Variants in EFHC2 observed in about 807,000 individuals in gnomAD.
EFHC2 encodes EF-hand domain-containing family member C2.
EFHC2 carries 18 observed loss-of-function variants against 52.7 expected under a neutral mutation model. The ratio of observed to expected loss-of-function variants is 0.34; its 90% confidence interval spans 0.24 to 0.51. The LOEUF is 0.51. EFHC2 is among the 20% of genes least tolerant of loss of function. The pLI, the probability that EFHC2 is intolerant of heterozygous loss-of-function variation, is 0.97. For synonymous variants in EFHC2, 203 were observed against 204.1 expected (o/e 0.99, Z 0.04); for missense variants, 513 against 562.5 (o/e 0.91, Z 0.89).
intron 1 of EFHC2, among the ~76,000 whole-genome samples, chrX:44,318,133 T>C (rs2147386719): frequency 8.9e-6 from 1 of 112,560 alleles, no homozygotes; most frequent in South Asian, 3.6e-4. Flanking sequence ...CCCAAATGTC[T>C]ATCAGCTGAT....
intron 1 of EFHC2, among the ~76,000 whole-genome samples, chrX:44,342,569 C>A (rs1240200179): frequency 9.0e-6 from 1 of 111,328 alleles, no homozygotes; most frequent in Non-Finnish European, 1.9e-5. Flanking sequence ...TCTGTACGTT[C>A]ATCTTCTTTT....
At chrX:44,279,275 C>A (rs924072220) in intron 2 of EFHC2, among the ~76,000 whole-genome samples, 3 of 111,907 alleles carry the variant, frequency 2.7e-5, no homozygotes, top group Non-Finnish European at 5.6e-5. Context: ...ACACAGGAGG[C>A]AGAGGTTGCA....
chrX:44,260,778 C>T (rs1271428033), intron 4 of EFHC2, among the ~76,000 whole-genome samples: 1 of 112,065 alleles, frequency 8.9e-6, no homozygotes, highest in Non-Finnish European at 1.9e-5. Context: ...CCATCAGTGA[C>T]CACAAAGTCA....
rs1232593457 is a variant in EFHC2, at chrX:44,223,043, AATAGCCTTTCT to A, written c.1751+6595_1751+6605del. Among the ~76,000 whole-genome samples the A allele has an allele frequency of 3.6e-5, 4 of 112,127 alleles. No homozygotes were observed. The Admixed American group carries it at 3.8e-4, about 11-fold the overall frequency. On this transcript the variant is annotated intron_variant, in intron 11 of 14. Coordinates refer to ENST00000420999, the MANE Select transcript of EFHC2 (RefSeq NM_025184.4). ...AACTTTCTACAAAGGCTATCTTTTA[AATAGCCTTTCT>A]ATATTTGGGGAAATTCCCACGTAAG... is the stretch of plus-strand genomic sequence containing the variant.
chrX:44,267,363 T>C (rs756526647), intron 3 of EFHC2, among the ~76,000 whole-genome samples: 1 of 112,040 alleles, frequency 8.9e-6, no homozygotes, highest in South Asian at 3.7e-4. Flanking sequence ...ACTGGCTTTC[T>C]TGACTCATAA....
chrX:44,185,746 C>CT (rs1482798893), intron 11 of EFHC2, among the ~76,000 whole-genome samples: 2 of 110,623 alleles, frequency 1.8e-5, no homozygotes, highest in Admixed American at 9.7e-5. Context: ...CTATGTTGCC[C>CT]AGGTTGGTCT....
intron 2 of EFHC2, among the ~76,000 whole-genome samples, chrX:44,275,569 T>C (rs2037649934): frequency 9.2e-6 from 1 of 109,230 alleles, no homozygotes; most frequent in Non-Finnish European, 1.9e-5. Context: ...AGGAACATAA[T>C]TATGATGTAA....
chrX:44,210,579 T>C (rs2037087862), intron 11 of EFHC2, among the ~76,000 whole-genome samples: 2 of 112,520 alleles, frequency 1.8e-5, no homozygotes, highest in African/African-American at 6.5e-5. Flanking sequence ...GAAAGGATAG[T>C]CTTTTCAACA....
chrX:44,236,713 G>C (rs2037322944), intron 8 of EFHC2, among the ~76,000 whole-genome samples: 1 of 111,542 alleles, frequency 9.0e-6, no homozygotes, highest in African/African-American at 3.3e-5. Flanking sequence ...AAAGCAGCCA[G>C]GTCTGCATGG....
chrX:44,255,947 C>T (rs1427837006), intron 4 of EFHC2, among the ~76,000 whole-genome samples: 3 of 111,943 alleles, frequency 2.7e-5, no homozygotes, highest in African/African-American at 9.8e-5. Context: ...GAGCAATCAA[C>T]TTAGAACTCA....
chrX:44,332,642 T>C (rs770815823), intron 1 of EFHC2, among the ~76,000 whole-genome samples: 3 of 111,568 alleles, frequency 2.7e-5, no homozygotes, highest in Non-Finnish European at 5.6e-5. Context: ...ACCATTAGCA[T>C]AGCCGGAATC....
At chrX:44,287,856 G>A (rs932875693) in intron 2 of EFHC2, among the ~76,000 whole-genome samples, 11 of 111,947 alleles carry the variant, frequency 9.8e-5, no homozygotes, top group Non-Finnish European at 1.7e-4. Flanking sequence ...TTCAGGGCAT[G>A]TCAACATTTC....
intron 11 of EFHC2, among the ~76,000 whole-genome samples, chrX:44,218,973 G>C (rs2037172469): frequency 9.0e-6 from 1 of 110,702 alleles, no homozygotes; most frequent in African/African-American, 3.3e-5. Context: ...ATCAACAAAT[G>C]GTGGTATATT....
At chrX:44,322,137 C>G (rs958121701) in intron 1 of EFHC2, among the ~76,000 whole-genome samples, 1 of 107,927 alleles carries the variant, frequency 9.3e-6, no homozygotes, top group Non-Finnish European at 1.9e-5. Flanking sequence ...AAATAATACA[C>G]GTGCTCCTTG....
chrX:44,249,631 C>G (rs1185065358), intron 5 of EFHC2, among the ~76,000 whole-genome samples: 1 of 111,575 alleles, frequency 9.0e-6, no homozygotes, highest in African/African-American at 3.3e-5. Context: ...TTGTAGAAAT[C>G]AATCTGACAA....
intron 1 of EFHC2, among the ~76,000 whole-genome samples, chrX:44,321,316 T>C (rs1485415503): frequency 9.0e-6 from 1 of 110,714 alleles, no homozygotes; most frequent in Non-Finnish European, 1.9e-5. Flanking sequence ...AGAATTCTAT[T>C]TTGGACATGT....
At chrX:44,233,469 A>G (rs1303154288) in intron 9 of EFHC2, among the ~76,000 whole-genome samples, 1 of 111,539 alleles carries the variant, frequency 9.0e-6, no homozygotes, top group African/African-American at 3.3e-5. Context: ...CTTGGAAAGT[A>G]GCCAGTAGAG....
intron 11 of EFHC2, among the ~76,000 whole-genome samples, chrX:44,209,312 C>T (rs1207198045): frequency 1.8e-5 from 2 of 110,480 alleles, no homozygotes; most frequent in African/African-American, 6.6e-5. Flanking sequence ...ACCATATTGG[C>T]ACTTTTAGCC....
At chrX:44,298,474 C>A (rs1448911409) in intron 2 of EFHC2, among the ~76,000 whole-genome samples, 2 of 111,562 alleles carry the variant, frequency 1.8e-5, no homozygotes, top group African/African-American at 6.5e-5. Flanking sequence ...AATAAGGGAA[C>A]CTCCTGAGGC....
Sources: gnomAD v4.1 joint callset for allele counts (sites outside exome capture counted in the v4.1 genomes callset) on GRCh38, gnomAD v4.1.1 for gene constraint, MANE v1.5 for transcripts, NCBI Gene and HGNC (gene_info 2026-07-23, HGNC 2026-07-21) for gene names.